TNFRSF10B: variants seen among roughly 807,000 people sequenced by gnomAD.
TNFRSF10B encodes the protein tumor necrosis factor receptor superfamily member 10B.
A neutral mutation model predicts 41.4 loss-of-function variants in TNFRSF10B; 35 were observed. The ratio of observed to expected loss-of-function variants is 0.85; its 90% CI spans 0.65 to 1.12. The LOEUF (loss-of-function observed/expected upper bound fraction) is 1.12. Ranked by LOEUF, TNFRSF10B falls within the 50% of genes most tolerant of loss-of-function variation. TNFRSF10B has a pLI of 0.00. For missense variants in TNFRSF10B, 584 were observed against 552.7 expected (o/e 1.06, Z -0.57); for synonymous variants, 230 against 215.5 (o/e 1.07, Z -0.59).
At chr8:23,027,320 G>T (rs138029000) in intron 6 of TNFRSF10B, 32 bp from the exon 7 acceptor site, 3 of 1,613,420 alleles carry the variant, frequency 1.9e-6, no homozygotes, top group South Asian at 1.1e-5. Context: ...GCAAAAAGCC[G>T]ACTCAGGAGT....
In TNFRSF10B at chr8:23,024,179, A is replaced by C; in HGVS notation, c.1009+9T>G. On this transcript the variant is annotated intron_variant, in intron 8 of 8. Transcript: ENST00000276431. ...ATTCCTGCTGCATCTCCAGGAGCAA[A>C]ACACTTACTCTCAGTGGGATCACCT... is the stretch of plus-strand genomic sequence containing the variant. 1 of 1,613,940 alleles carries C rather than the reference A, an allele frequency of 6.2e-7. No individual in the cohort carries two copies. Among genetic ancestry groups the C allele is most frequent in the Non-Finnish European group, 8.5e-7 (1 of 1,179,938 alleles).
At chr8:23,052,028 G>T (rs1451475968) in intron 1 of TNFRSF10B, among the ~76,000 whole-genome samples, 1 of 152,122 alleles carries the variant, frequency 6.6e-6, no homozygotes, top group African/African-American at 2.4e-5. Flanking sequence ...CATTTTCACT[G>T]TCTCGGTCAT....
At chr8:23,039,706 A>T (rs562733518) in intron 2 of TNFRSF10B, among the ~76,000 whole-genome samples, 1 of 152,290 alleles carries the variant, frequency 6.6e-6, no homozygotes, top group South Asian at 2.1e-4. Flanking sequence ...ATACACATAC[A>T]TGTCCTTAAG....
chr8:23,041,405 G>A (rs867457860), intron 2 of TNFRSF10B, among the ~76,000 whole-genome samples: 12 of 151,852 alleles, frequency 7.9e-5, no homozygotes, highest in African/African-American at 1.2e-4. Context: ...AGTGGCTCAC[G>A]CCTGTAATCC....
intron 1 of TNFRSF10B, among the ~76,000 whole-genome samples, chr8:23,055,521 TAAA>T (rs34761330): frequency 4.3e-4 from 52 of 120,528 alleles, no homozygotes; most frequent in Middle Eastern, 4.6e-3. Flanking sequence ...ATTAAATGCT[TAAA>T]AAAAAAAAAA....
chr8:23,021,887 T>G lies in TNFRSF10B; in HGVS notation c.*784A>C, dbSNP rs754086110. 2.2e-6 allele frequency: 1 copy of G among 454,104 alleles called. No individual in the cohort carries two copies. Among genetic ancestry groups the G allele is most frequent in the South Asian group, 1.6e-5 (1 of 64,476 alleles). 28.1% of individuals were successfully genotyped at this position (454,104 alleles called of 1,614,324 possible). On this transcript the variant is annotated 3_prime_UTR_variant, in exon 9 of 9. Coordinates refer to ENST00000276431, the MANE Select transcript of TNFRSF10B (RefSeq NM_003842.5). ...CCTCCTTTTATGTTTATCTAATCTA[T>G]TCACATAACTATGTAAACAAGTACA...
Position 23,022,123 on chromosome 8 carries a change from G to A in TNFRSF10B, c.*548C>T, listed in dbSNP as rs1811546634. On this transcript the variant is annotated 3_prime_UTR_variant, in exon 9 of 9. Transcript: ENST00000276431. ...AAAATACAAAAAATTAGCCGGGCGT[G>A]GTGGTGCACACCTGTGGTCCCAGCT... is the stretch of plus-strand genomic sequence containing the variant. 1 of 433,006 alleles carries A rather than the reference G, an allele frequency of 2.3e-6. No individual in the cohort carries two copies. The highest frequency in any genetic ancestry group is 4.6e-6 in the Non-Finnish European group (1 of 217,614). The allele number at this position is 433,006 out of a possible 1,614,324, so 26.8% of individuals were successfully genotyped here. A position where few individuals can be genotyped will look rare whatever the true frequency, so the allele number is the denominator to read the frequency against.
In TNFRSF10B at chr8:23,054,675, C is replaced by T. The variant is rs1255997764; in HGVS notation, c.145-11432G>A. Among the ~76,000 whole-genome samples, 4 of 152,260 alleles carry T rather than the reference C, an allele frequency of 2.6e-5. No homozygotes were observed. The East Asian group carries it at 5.8e-4, about 22-fold the overall frequency. On this transcript the variant is annotated intron_variant, in intron 1 of 8. Coordinates refer to ENST00000276431, the MANE Select transcript of TNFRSF10B (RefSeq NM_003842.5). ...CATAGACCCTGTACAGGGTTTCTGA[C>T]CTGTGGTAAGTAAAGAATGTCACTT...
chr8:23,064,598 C>T (rs1461283683), intron 1 of TNFRSF10B, among the ~76,000 whole-genome samples: 2 of 152,168 alleles, frequency 1.3e-5, no homozygotes, highest in African/African-American at 4.8e-5. Flanking sequence ...ATTCTAGGGA[C>T]CCTGCCTCCT....
At chr8:23,032,032 G>A (rs1308392577) in intron 2 of TNFRSF10B, among the ~76,000 whole-genome samples, 3 of 150,892 alleles carry the variant, frequency 2.0e-5, no homozygotes, top group Admixed American at 6.6e-5. Context: ...TCAGCCTCCC[G>A]AGTAACTGGG....
chr8:23,058,652 A>T (rs1812739316), intron 1 of TNFRSF10B, among the ~76,000 whole-genome samples: 1 of 151,940 alleles, frequency 6.6e-6, no homozygotes, highest in African/African-American at 2.4e-5. Context: ...TGCCCAGCTA[A>T]TTTTGTATTA....
At position 23,068,955 on chromosome 8, in the gene TNFRSF10B, C is replaced by A; in HGVS notation, c.-61G>T. The stretch of plus-strand genomic sequence containing the variant: ...GTGGGTTTCAGCCCTTAAAGTAGAT[C>A]GGGCATCGTCGGTGTATTTTGTGGG... On this transcript the variant is annotated 5_prime_UTR_variant, in exon 1 of 9. Coordinates refer to ENST00000276431, the MANE Select transcript of TNFRSF10B (RefSeq NM_003842.5). 1 of 1,611,896 alleles carries A rather than the reference C, an allele frequency of 6.2e-7. No individual in the cohort carries two copies. Among genetic ancestry groups the A allele is most frequent in the Non-Finnish European group, 8.5e-7 (1 of 1,179,442 alleles).
chr8:23,041,950 G>C (rs1812214325), intron 2 of TNFRSF10B, among the ~76,000 whole-genome samples: 1 of 152,148 alleles, frequency 6.6e-6, no homozygotes, highest in Admixed American at 6.5e-5. Flanking sequence ...ACACACTCAA[G>C]ACAGCGGCTT....
intron 1 of TNFRSF10B, among the ~76,000 whole-genome samples, chr8:23,067,377 G>GA (rs1230387211): frequency 1.3e-5 from 2 of 151,552 alleles, no homozygotes; most frequent in African/African-American, 4.9e-5. Flanking sequence ...TTTCTTTACA[G>GA]AAAAATCTTC....
At chr8:23,039,930 T>C (rs1369486390) in intron 2 of TNFRSF10B, among the ~76,000 whole-genome samples, 1 of 152,078 alleles carries the variant, frequency 6.6e-6, no homozygotes. Flanking sequence ...GCGTGGCTCA[T>C]ACCTGTAATC....
chr8:23,065,225 T>C (rs1812948842), intron 1 of TNFRSF10B, among the ~76,000 whole-genome samples: 1 of 152,156 alleles, frequency 6.6e-6, no homozygotes, highest in Admixed American at 6.5e-5. Context: ...AATGAATCAC[T>C]CCTGTCCCCG....
In TNFRSF10B at chr8:23,043,188, G is replaced by T. The variant is rs1047266; in HGVS notation, c.200C>A (p.Ala67Glu). The stretch of plus-strand genomic sequence containing the variant: ...GCTGGACCTCTTTTGTTGTGGGGCC[G>T]CTCTCTGCTGGGGAGCTAGGTCTTG... ...TQQDLAPQQR[A>E]APQQKRSSPS... is the part of the protein sequence containing the mutation. The change falls in exon 2 of 9, where the codon GCG becomes GAG. Residue 67 changes from alanine (A) to glutamate (E), a missense_variant. Ala to Glu is a moderately radical substitution (Grantham distance 107, BLOSUM62 -1). Transcript: ENST00000276431. 4.3e-6 allele frequency: 7 copies of T among 1,613,968 alleles called. No individual in the cohort carries two copies. The Admixed American group carries it at 1.0e-4, about 23-fold the overall frequency.
intron 1 of TNFRSF10B, among the ~76,000 whole-genome samples, chr8:23,047,074 A>C (rs1174007514): frequency 1.3e-5 from 2 of 152,234 alleles, no homozygotes; most frequent in Non-Finnish European, 2.9e-5. Flanking sequence ...TGACCCCTAA[A>C]GTGCAAAAAA....
intron 1 of TNFRSF10B, among the ~76,000 whole-genome samples, chr8:23,043,829 ATTGTG>A (rs1234392378): frequency 1.3e-5 from 2 of 152,362 alleles, no homozygotes; most frequent in African/African-American, 4.8e-5. Context: ...TCATTAGGCA[ATTGTG>A]TTGTGTGAAC....
Sources: gnomAD v4.1 joint callset for allele counts (sites outside exome capture counted in the v4.1 genomes callset) on GRCh38, gnomAD v4.1.1 for gene constraint, MANE v1.5 for transcripts, NCBI Gene and HGNC (gene_info 2026-07-23, HGNC 2026-07-21) for gene names.